Variants in SYT16 observed in about 807,000 individuals in gnomAD.
SYT16 encodes the protein synaptotagmin-16.
Under a neutral mutation model 61.4 loss-of-function variants are expected in SYT16, and 42 were observed. That is an observed-to-expected ratio of 0.68 (90% CI 0.53 to 0.89). The LOEUF (loss-of-function observed/expected upper bound fraction) is 0.89, where lower values mean the gene tolerates loss of function less well. SYT16 is among the 40% of genes least tolerant of loss of function. The pLI is 0.00. For missense variants in SYT16, 804 were observed against 807.3 expected (o/e 1.00, Z 0.05); for synonymous variants, 314 against 302.3 (o/e 1.04, Z -0.40).
chr14:61,904,318 G>A (rs1475231128), intron 1 of SYT16, among the ~76,000 whole-genome samples: 1 of 152,188 alleles, frequency 6.6e-6, no homozygotes, highest in Non-Finnish European at 1.5e-5. Flanking sequence ...TTGCTTAGGT[G>A]TGGGGTTGGC....
At chr14:62,055,559 A>C (rs1325952797) in intron 3 of SYT16, among the ~76,000 whole-genome samples, 1 of 152,236 alleles carries the variant, frequency 6.6e-6, no homozygotes. Context: ...CAGTACTTTC[A>C]TCATGGCTCT....
At chr14:62,050,143 C>T (rs2055203252) in intron 3 of SYT16, among the ~76,000 whole-genome samples, 1 of 152,172 alleles carries the variant, frequency 6.6e-6, no homozygotes, top group East Asian at 1.9e-4. Context: ...TCACATAGTC[C>T]CATATTTCTT....
At chr14:61,898,178 G>A (rs562905181) in intron 1 of SYT16, among the ~76,000 whole-genome samples, 22 of 152,294 alleles carry the variant, frequency 1.4e-4, no homozygotes, top group African/African-American at 4.8e-4. Flanking sequence ...AACAAAGGTT[G>A]AGGAAATAAA....
intron 3 of SYT16, among the ~76,000 whole-genome samples, chr14:62,026,242 G>C (rs1023115428): frequency 6.6e-6 from 1 of 152,116 alleles, no homozygotes; most frequent in South Asian, 2.1e-4. Flanking sequence ...TCATATCAAA[G>C]TATATTTCAA....
chr14:61,880,081 A>G (rs534755992), intron 1 of SYT16, among the ~76,000 whole-genome samples: 2 of 152,320 alleles, frequency 1.3e-5, no homozygotes, highest in South Asian at 2.1e-4. Flanking sequence ...CTGCAGATGA[A>G]ATGTCTTAGT....
At chr14:61,900,006 A>C (rs2140355577) in intron 1 of SYT16, among the ~76,000 whole-genome samples, 1 of 152,340 alleles carries the variant, frequency 6.6e-6, no homozygotes, top group East Asian at 1.9e-4. Flanking sequence ...GTTATCACAT[A>C]TCACACACTG....
At chr14:61,962,656 G>C (rs963504123) in intron 1 of SYT16, among the ~76,000 whole-genome samples, 1 of 151,972 alleles carries the variant, frequency 6.6e-6, no homozygotes, top group Admixed American at 6.6e-5. Context: ...GTTCACCTGA[G>C]AGTGTCTCAT....
chr14:61,989,849 C>G (rs1404513508), intron 2 of SYT16, among the ~76,000 whole-genome samples: 1 of 152,102 alleles, frequency 6.6e-6, no homozygotes, highest in African/African-American at 2.4e-5. Flanking sequence ...TATAGGGCAG[C>G]TTCACATTTC....
chr14:61,983,587 G>A (rs2052177088), intron 2 of SYT16, among the ~76,000 whole-genome samples: 1 of 152,094 alleles, frequency 6.6e-6, no homozygotes, highest in African/African-American at 2.4e-5. Context: ...GTGCAGTGGT[G>A]TGATCATAGC....
chr14:61,884,055 G>C (rs1298200309), intron 1 of SYT16, among the ~76,000 whole-genome samples: 1 of 152,142 alleles, frequency 6.6e-6, no homozygotes, highest in East Asian at 1.9e-4. Context: ...ATGAGGTTTT[G>C]GGTGGGGACA....
At chr14:62,026,485 T>C (rs1473441884) in intron 3 of SYT16, among the ~76,000 whole-genome samples, 14 of 152,200 alleles carry the variant, frequency 9.2e-5, no homozygotes, top group Admixed American at 8.5e-4. Context: ...GAGCTCACTA[T>C]GTGAAGCCTC....
At chr14:62,007,910 A>AT (rs540103183) in intron 3 of SYT16, among the ~76,000 whole-genome samples, 102 of 151,634 alleles carry the variant, frequency 6.7e-4, no homozygotes, top group Admixed American at 2.2e-3. Flanking sequence ...TCACTTGATA[A>AT]TTTTTTTTTA....
intron 1 of SYT16, among the ~76,000 whole-genome samples, chr14:61,828,812 T>G (rs768824135): frequency 5.9e-5 from 9 of 152,234 alleles, no homozygotes; most frequent in Non-Finnish European, 8.8e-5. Context: ...CCCTGAGTAC[T>G]CTCAGAGACA....
chr14:62,042,755 C>G (rs1018564563), intron 3 of SYT16, among the ~76,000 whole-genome samples: 2 of 152,176 alleles, frequency 1.3e-5, no homozygotes, highest in Admixed American at 1.3e-4. Context: ...TCTGTGAGCT[C>G]TTAGTCCTTG....
chr14:61,908,828 T>C (rs2048820103), intron 1 of SYT16, among the ~76,000 whole-genome samples: 1 of 152,184 alleles, frequency 6.6e-6, no homozygotes, highest in Non-Finnish European at 1.5e-5. Context: ...TTCCTTTCTT[T>C]CCTTTCTTCT....
intron 1 of SYT16, among the ~76,000 whole-genome samples, chr14:61,834,525 C>T (rs1050429302): frequency 4.2e-5 from 6 of 142,160 alleles, no homozygotes; most frequent in African/African-American, 1.6e-4. Flanking sequence ...GCAACCTCTG[C>T]CTCCCGGGTT....
chr14:61,970,601 G>A (rs2051504598), intron 2 of SYT16, among the ~76,000 whole-genome samples: 1 of 152,152 alleles, frequency 6.6e-6, no homozygotes, highest in South Asian at 2.1e-4. Context: ...GAACGATGTT[G>A]GCATTTCACT....
chr14:61,977,124 A>G (rs927788625), intron 2 of SYT16, among the ~76,000 whole-genome samples: 19 of 152,098 alleles, frequency 1.2e-4, no homozygotes, highest in Admixed American at 8.5e-4. Flanking sequence ...CGTTGTCCAC[A>G]TCATTATTAG....
intron 1 of SYT16, among the ~76,000 whole-genome samples, chr14:61,919,783 G>A (rs2049257188): frequency 1.9e-3 from 1 of 532 alleles, no homozygotes; most frequent in Admixed American, 0.022. Flanking sequence ...CCAGGGATTA[G>A]GACATAGACA....
Sources: allele counts gnomAD v4.1 joint callset (sites outside exome capture counted in the v4.1 genomes callset), GRCh38; gene constraint gnomAD v4.1.1; transcripts MANE v1.5; gene names NCBI Gene and HGNC (gene_info 2026-07-23, HGNC 2026-07-21).